The following CFAP92 variants were observed in gnomAD, a reference collection of about 807,000 sequenced individuals.
CFAP92 encodes the protein cilia and flagella associated protein 92 (putative).
Under a neutral mutation model 106.3 loss-of-function variants are expected in CFAP92, and 86 were observed. The ratio of observed to expected loss-of-function variants is 0.81; its 90% CI spans 0.68 to 0.97. The LOEUF (loss-of-function observed/expected upper bound fraction) is 0.97. Among genes scored for constraint, CFAP92 ranks in the 50% least tolerant of loss-of-function variants. The probability of loss-of-function intolerance (pLI) is 0.00; values close to 1 mark genes in which losing one functional copy is unlikely to be tolerated. For missense variants in CFAP92, 1,204 were observed against 1,283.8 expected (o/e 0.94, Z 0.95); for synonymous variants, 477 against 506.4 (o/e 0.94, Z 0.78).
chr3:129,005,490 A>G (rs1172675311), upstream of CFAP92, among the ~76,000 whole-genome samples: 1 of 152,072 alleles, frequency 6.6e-6, no homozygotes, highest in Non-Finnish European at 1.5e-5. Context: ...CTTAAGAGAA[A>G]GAACATGAAA....
chr3:128,950,451 T>C (rs1339983062), intron 9 of CFAP92, among the ~76,000 whole-genome samples: 1 of 151,994 alleles, frequency 6.6e-6, no homozygotes, highest in Non-Finnish European at 1.5e-5. Flanking sequence ...AACAGGAAGA[T>C]CAACCTAAAG....
intron 13 of CFAP92, 108 bp downstream of exon 13, chr3:128,915,999 G>T: frequency 1.4e-6 from 1 of 738,810 alleles, no homozygotes; most frequent in Non-Finnish European, 1.9e-6. Context: ...TAGCTGATTG[G>T]CTTTCATCTG....
At chr3:128,958,546 ATATTT>A in intron 9 of CFAP92, among the ~76,000 whole-genome samples, 1 of 152,336 alleles carries the variant, frequency 6.6e-6, no homozygotes, top group African/African-American at 2.4e-5. Flanking sequence ...CCGTGAATCT[ATATTT>A]TAAAGTATGA....
In CFAP92 at chr3:128,975,815, T is replaced by G; in HGVS notation, c.985A>C (p.Ser329Arg). 1 of 1,606,884 alleles carries G rather than the reference T, an allele frequency of 6.2e-7. No individual in the cohort carries two copies. Among genetic ancestry groups the G allele is most frequent in the South Asian group, 1.1e-5 (1 of 89,638 alleles). The change falls in exon 7 of 16, where the codon AGC (serine) becomes CGC (arginine). Residue 329 changes from serine to arginine, a missense_variant. Physicochemically the swap from Ser to Arg is moderately radical, Grantham distance 110 (BLOSUM62 -1). Transcript: ENST00000645291. ...TGTCTGTCTAATATGTTTGTTAAGC[T>G]GCTAAGTGATTCACTCTCAATTAAT... ...KELIESESLS[S>R]LTNILDRQRS...
At chr3:128,911,438 TTC>T (rs552234446) in intron 15 of CFAP92, among the ~76,000 whole-genome samples, 31 of 152,134 alleles carry the variant, frequency 2.0e-4, no homozygotes, top group South Asian at 1.5e-3. Context: ...CCTGGCTGTA[TTC>T]TCTTTTTTTT....
intron 9 of CFAP92, among the ~76,000 whole-genome samples, chr3:128,960,358 A>G (rs1015487297): frequency 3.9e-5 from 6 of 152,332 alleles, no homozygotes; most frequent in Admixed American, 2.6e-4. Flanking sequence ...TCAGGTCCTC[A>G]GACCGACCAG....
intron 12 of CFAP92, among the ~76,000 whole-genome samples, chr3:128,924,198 A>C (rs1937520464): frequency 1.3e-5 from 2 of 152,104 alleles, no homozygotes; most frequent in Non-Finnish European, 2.9e-5. Context: ...GAGTCTTGGA[A>C]CATGTCTGGG....
At chr3:128,935,364 C>T in intron 10 of CFAP92, 45 bp from the exon 11 acceptor site, 3 of 1,355,318 alleles carry the variant, frequency 2.2e-6, no homozygotes, top group South Asian at 2.8e-5. Flanking sequence ...TGGCAGCTTC[C>T]TGGGACACCG....
upstream of CFAP92, among the ~76,000 whole-genome samples, chr3:129,007,190 G>A (rs990511907): frequency 1.8e-4 from 27 of 152,148 alleles, no homozygotes; most frequent in African/African-American, 6.3e-4. Flanking sequence ...CAGAAACATC[G>A]GCCGGACATT....
At chr3:128,979,971 T>G (rs1403801115) in intron 4 of CFAP92, among the ~76,000 whole-genome samples, 1 of 109,646 alleles carries the variant, frequency 9.1e-6, no homozygotes. Flanking sequence ...TATATATATA[T>G]AAAAGAAAAA....
chr3:128,993,630 C>G, intron 1 of CFAP92: 1 of 380,828 alleles, frequency 2.6e-6, no homozygotes, highest in Non-Finnish European at 5.0e-6. Flanking sequence ...AATGCCTGCC[C>G]CAGGTGAGCA....
upstream of CFAP92, chr3:128,994,181 C>T (rs1190727811): frequency 6.1e-6 from 6 of 984,106 alleles, no homozygotes; most frequent in Non-Finnish European, 7.2e-6. Context: ...GGCGGGGCTC[C>T]GCGGGGCGGG....
chr3:128,991,242 T>C (rs926108153), intron 2 of CFAP92, among the ~76,000 whole-genome samples: 5 of 152,224 alleles, frequency 3.3e-5, no homozygotes, highest in Non-Finnish European at 7.3e-5. Flanking sequence ...TTTTGCTTTA[T>C]AGCAATAGAC....
chr3:128,993,300 G>A lies in CFAP92; in HGVS notation c.5C>T (p.Ser2Leu). Residue 2 changes from serine to leucine, a missense_variant, in exon 2 of 16, where the codon TCG (serine) becomes TTG (leucine). By Grantham distance (145) the Ser-to-Leu change is moderately radical. Coordinates refer to ENST00000645291, the MANE Select transcript of CFAP92 (RefSeq NM_001394090.1). M[S>L]LHAWEWEEDP... ...CTCTTCCCACTCCCAGGCATGTAGC[G>A]ACATGCTGCAGAGCGCACTGCTGGC... is the stretch of plus-strand genomic sequence containing the variant. 3.7e-6 allele frequency: 6 copies of A among 1,612,910 alleles called. No individual in the cohort carries two copies. The highest frequency in any genetic ancestry group is 5.1e-6 in the Non-Finnish European group (6 of 1,179,640).
At chr3:129,007,266 C>T (rs1456188856), upstream of CFAP92, among the ~76,000 whole-genome samples, 1 of 152,242 alleles carries the variant, frequency 6.6e-6, no homozygotes, top group Non-Finnish European at 1.5e-5. Flanking sequence ...GTGCCAGAAG[C>T]TCAGATGTCC....
At chr3:128,933,870 G>A (rs770998014) in intron 11 of CFAP92, among the ~76,000 whole-genome samples, 25 of 152,136 alleles carry the variant, frequency 1.6e-4, no homozygotes, top group Non-Finnish European at 3.2e-4. Flanking sequence ...CCCCGACCAA[G>A]TTCTTTCTCC....
Position 128,935,436 on chromosome 3 carries a change from G to A in CFAP92, c.2259-117C>T, listed in dbSNP as rs142377554. The A allele has an allele frequency of 7.3e-4, 454 of 617,806 alleles. 1 individual carries two copies. In the African/African-American group the frequency reaches 7.5e-3, roughly 10 times the overall value. 38.3% of individuals were successfully genotyped at this position (617,806 alleles called of 1,614,324 possible). A position where few individuals can be genotyped will look rare whatever the true frequency, so the allele number is the denominator to read the frequency against. On this transcript the variant is annotated intron_variant, in intron 10 of 15. Transcript: ENST00000645291. ...ATTTAAAAACAAACCCAGGGGCCGG[G>A]TATGGTGACTCACGCCTATAATCCC...
intron 2 of CFAP92, among the ~76,000 whole-genome samples, chr3:128,990,752 T>A (rs1234490560): frequency 6.6e-6 from 1 of 151,832 alleles, no homozygotes; most frequent in Admixed American, 6.6e-5. Context: ...AAAAATTAGC[T>A]GGGCGTGGTG....
intron 9 of CFAP92, among the ~76,000 whole-genome samples, chr3:128,962,781 C>T (rs1008399596): frequency 6.6e-6 from 1 of 152,190 alleles, no homozygotes; most frequent in Non-Finnish European, 1.5e-5. Context: ...ACTCTCCTTA[C>T]CATTCCCCCA....
Sources: gnomAD v4.1 joint callset for allele counts (sites outside exome capture counted in the v4.1 genomes callset) on GRCh38, gnomAD v4.1.1 for gene constraint, MANE v1.5 for transcripts, NCBI Gene and HGNC (gene_info 2026-07-23, HGNC 2026-07-21) for gene names.